The following TYW5 variants were observed in gnomAD, a reference collection of about 807,000 sequenced individuals.
TYW5 encodes the protein tRNA wybutosine-synthesizing protein 5.
Under a neutral mutation model 44.4 loss-of-function variants are expected in TYW5, and 36 were observed. That is an observed-to-expected ratio of 0.81 (90% CI 0.62 to 1.07). TYW5 has a LOEUF of 1.07. Among genes scored for constraint, TYW5 ranks in the 50% least tolerant of loss-of-function variants. The probability of loss-of-function intolerance (pLI) is 0.00; values close to 1 mark genes in which losing one functional copy is unlikely to be tolerated. For missense variants in TYW5, 354 were observed against 365.7 expected, an observed-to-expected ratio of 0.97 and a Z score of 0.26; for synonymous variants, 121 against 128.1, an observed-to-expected ratio of 0.94 and a Z score of 0.37.
intron 3 of TYW5, among the ~76,000 whole-genome samples, chr2:199,941,022 C>T (rs574712286): frequency 1.0e-3 from 157 of 152,122 alleles, no homozygotes; most frequent in Middle Eastern, 0.01. Context: ...TTGTAGTAAA[C>T]GTAAACTGAT....
rs147648345 is a variant in TYW5, at chr2:199,952,909, G to A, written c.78+2484C>T. On this transcript the variant is annotated intron_variant, in intron 1 of 7. Transcript: ENST00000354611. ...TAAACCGAATTTTATCATTTTCTAAGTGAAACTCCTCTGTATAATACCATA... is the reference window on the plus strand; with the variant it reads ...TAAACCGAATTTTATCATTTTCTAAATGAAACTCCTCTGTATAATACCATA... Among the ~76,000 whole-genome samples, 343 of 152,334 alleles carry A rather than the reference G, an allele frequency of 2.3e-3. 1 individual carries two copies. The highest frequency in any genetic ancestry group is 7.5e-3 in the African/African-American group (311 of 41,570).
At chr2:199,945,638 A>G (rs1379786740) in intron 2 of TYW5, 1 of 152,196 alleles carries the variant, frequency 6.6e-6, no homozygotes, top group African/African-American at 2.4e-5. Flanking sequence ...CCAGTGGGGA[A>G]GTTTATCTGG....
Position 199,948,404 on chromosome 2 carries a change from T to C in TYW5, c.147A>G (p.Leu49=). 1 of 1,614,188 alleles carries C rather than the reference T, an allele frequency of 6.2e-7. No homozygotes were observed. Residue 49 remains leucine (L), a synonymous_variant, in exon 2 of 8, where the codon CTA becomes CTG. Transcript: ENST00000354611. ...CTTCTTTCTTCCCTCCAACTTGGCTTAGGTAATCCACTGTCCATTTGCTTG... is the reference window on the plus strand; with the variant it reads ...CTTCTTTCTTCCCTCCAACTTGGCTCAGGTAATCCACTGTCCATTTGCTTG... ...PCTSKWTVDY[L]SQVGGKKEVK...
chr2:199,949,102 A>G lies in TYW5; in HGVS notation c.79-630T>C, dbSNP rs1181373923. ...GCTGGGCACAGTGGCTCACGCTTGT[A>G]ATCCCAACACTTTGGGAGGCCAAGG... On this transcript the variant is annotated intron_variant, in intron 1 of 7. Transcript: ENST00000354611. 4.6e-5 allele frequency among the ~76,000 whole-genome samples: 7 copies of G among 152,154 alleles called. No individual in the cohort carries two copies. In the East Asian group the frequency reaches 1.3e-3, roughly 29 times the overall value.
intron 1 of TYW5, among the ~76,000 whole-genome samples, chr2:199,951,835 T>C (rs983252764): frequency 6.6e-6 from 1 of 151,926 alleles, no homozygotes; most frequent in Non-Finnish European, 1.5e-5. Context: ...GCTAACACAG[T>C]GAAACCCCAT....
chr2:199,944,780 A>G (rs935282886), intron 2 of TYW5: 3 of 152,236 alleles, frequency 2.0e-5, no homozygotes, highest in African/African-American at 7.2e-5. Flanking sequence ...GAGAAAGTCG[A>G]AAGAAAAGGT....
chr2:199,931,014 G>T lies in TYW5; in HGVS notation c.*2053C>A, dbSNP rs954684480. On this transcript the variant is annotated 3_prime_UTR_variant, in exon 8 of 8. Transcript: ENST00000354611. ...TAGGAAGAAAAGATTAAAATATTTT[G>T]TATTTGAAATAAACAGACCCTAATA... is the stretch of plus-strand genomic sequence containing the variant. The T allele has an allele frequency of 3.3e-5, 5 of 152,130 alleles. No homozygotes were observed. Among genetic ancestry groups the T allele is most frequent in the African/African-American group, 1.2e-4 (5 of 41,424 alleles). The allele number at this position is 152,130 out of a possible 1,614,324, so 9.4% of individuals were successfully genotyped here.
rs903263697 is a variant in TYW5, at chr2:199,929,278, T to C, written c.*3789A>G. 6.6e-6 allele frequency among the ~76,000 whole-genome samples: 1 copy of C among 152,186 alleles called. No homozygotes were observed. The highest frequency in any genetic ancestry group is 1.5e-5 in the Non-Finnish European group (1 of 68,032). The stretch of plus-strand genomic sequence containing the variant: ...GTGCAGCACACCAACATGGCACATG[T>C]ATACATATGTAACAAACCTGCACGT... On this transcript the variant is annotated 3_prime_UTR_variant, in exon 8 of 8. Coordinates refer to ENST00000354611, the MANE Select transcript of TYW5 (RefSeq NM_001039693.3).
In TYW5 at chr2:199,932,987, TTTCC is replaced by T; in HGVS notation, c.*76_*79del. 1 of 1,493,180 alleles carries T rather than the reference TTTCC, an allele frequency of 6.7e-7. No individual in the cohort carries two copies. Among genetic ancestry groups the T allele is most frequent in the South Asian group, 1.3e-5 (1 of 75,654 alleles). 92.5% of individuals were successfully genotyped at this position (1,493,180 alleles called of 1,614,324 possible). A position where few individuals can be genotyped will look rare whatever the true frequency, so the allele number is the denominator to read the frequency against. On this transcript the variant is annotated 3_prime_UTR_variant, in exon 8 of 8. Transcript: ENST00000354611. ...ACATAATCTGTAAATCTGATGTATC[TTTCC>T]TATTTTAACAAAATCTTTAATTTAT...
At chr2:199,948,166 C>T (rs1357849612) in intron 2 of TYW5, 152 bp downstream of exon 2, 2 of 691,204 alleles carry the variant, frequency 2.9e-6, no homozygotes, top group African/African-American at 3.6e-5. Flanking sequence ...CTTTTAAAAA[C>T]CACTCTTTAA....
chr2:199,944,693 T>G (rs2077490774), intron 2 of TYW5: 1 of 152,280 alleles, frequency 6.6e-6, no homozygotes, highest in Admixed American at 6.5e-5. Flanking sequence ...ACTACACTCC[T>G]GCCTCCAAAC....
intron 7 of TYW5, among the ~76,000 whole-genome samples, chr2:199,934,287 G>C (rs1429006640): frequency 6.6e-6 from 1 of 151,218 alleles, no homozygotes; most frequent in African/African-American, 2.4e-5. Context: ...CCATTCAGCT[G>C]AATTTAAACC....
Position 199,943,782 on chromosome 2 carries a change from C to A in TYW5, c.286G>T (p.Glu96Ter). The change falls in exon 3 of 8, where the codon GAA (glutamate) becomes TAA (stop). Residue 96 changes from glutamate (E) to a stop codon, truncating the protein, a stop_gained. Transcript: ENST00000354611. LOFTEE classifies it high-confidence loss of function. ...GCAATTACCTCTGAAACAAAGAATT[C>A]TTTATGTTTCTCTTCAGCTGCCCTC... ...VQRAAEEKHK[E>*]FFVSEDEKYY... is the part of the protein sequence containing the mutation. The A allele has an allele frequency of 6.2e-7, 1 of 1,610,016 alleles. No individual in the cohort carries two copies. The highest frequency in any genetic ancestry group is 8.5e-7 in the Non-Finnish European group (1 of 1,179,086).
intron 1 of TYW5, among the ~76,000 whole-genome samples, chr2:199,951,722 T>A (rs1469428653): frequency 6.6e-6 from 1 of 151,978 alleles, no homozygotes; most frequent in Non-Finnish European, 1.5e-5. Flanking sequence ...TTTTAAAAAA[T>A]TCATAAATAT....
At position 199,929,332 on chromosome 2, in the gene TYW5, TATA is replaced by T. The variant is rs2077354716; in HGVS notation, c.*3732_*3734del. On this transcript the variant is annotated 3_prime_UTR_variant, in exon 8 of 8. Coordinates refer to ENST00000354611, the MANE Select transcript of TYW5 (RefSeq NM_001039693.3). The stretch of plus-strand genomic sequence containing the variant: ...GCACATGTACCCTAGAACTTAAAAG[TATA>T]ATAAAAAAATAAATAGAGACTACAA... Among the ~76,000 whole-genome samples the T allele has an allele frequency of 6.6e-6, 1 of 151,894 alleles. No homozygotes were observed. Among genetic ancestry groups the T allele is most frequent in the Admixed American group, 6.6e-5 (1 of 15,238 alleles).
rs901219162 is a variant in TYW5, at chr2:199,931,033, C to T, written c.*2034G>A. On this transcript the variant is annotated 3_prime_UTR_variant, in exon 8 of 8. Transcript: ENST00000354611. ...TATTTTGTATTTGAAATAAACAGAC[C>T]CTAATATTAATTATGACCAGGGAAA... 6.6e-6 allele frequency: 1 copy of T among 152,114 alleles called. No homozygotes were observed. The highest frequency in any genetic ancestry group is 6.6e-5 in the Admixed American group (1 of 15,258). The allele number at this position is 152,114 out of a possible 1,614,324, so 9.4% of individuals were successfully genotyped here.
In TYW5 at chr2:199,929,312, T is replaced by C. The variant is rs2077354416; in HGVS notation, c.*3755A>G. 6.6e-6 allele frequency among the ~76,000 whole-genome samples: 1 copy of C among 152,276 alleles called. No homozygotes were observed. Among genetic ancestry groups the C allele is most frequent in the Non-Finnish European group, 1.5e-5 (1 of 68,026 alleles). ...GTAACAAACCTGCACGTTGTGCACA[T>C]GTACCCTAGAACTTAAAAGTATAAT... On this transcript the variant is annotated 3_prime_UTR_variant, in exon 8 of 8. Coordinates refer to ENST00000354611, the MANE Select transcript of TYW5 (RefSeq NM_001039693.3).
intron 7 of TYW5, among the ~76,000 whole-genome samples, chr2:199,935,562 G>C (rs2077412008): frequency 6.7e-6 from 1 of 149,506 alleles, no homozygotes; most frequent in African/African-American, 2.4e-5. Context: ...TGCCCATGCT[G>C]GTCTTGCACT....
intron 1 of TYW5, among the ~76,000 whole-genome samples, chr2:199,954,916 C>A (rs1284979734): frequency 2.0e-5 from 3 of 152,136 alleles, no homozygotes; most frequent in South Asian, 2.1e-4. Context: ...CCTAATATTT[C>A]TCTATGAGTT....
Sources: allele counts gnomAD v4.1 joint callset (sites outside exome capture counted in the v4.1 genomes callset), GRCh38; gene constraint gnomAD v4.1.1; transcripts MANE v1.5; gene names NCBI Gene and HGNC (gene_info 2026-07-23, HGNC 2026-07-21).